Variants in CNOT4 observed in about 807,000 individuals in gnomAD.
The protein encoded by CNOT4 is CCR4-NOT transcription complex subunit 4.
CNOT4 carries 8 observed loss-of-function variants against 73.8 expected under a neutral mutation model. The observed-to-expected ratio is 0.11, with a 90% confidence interval of 0.06 to 0.20. The LOEUF (loss-of-function observed/expected upper bound fraction) is 0.20. CNOT4 is among the 10% of genes least tolerant of loss of function. The probability of loss-of-function intolerance (pLI) is 1.00; values close to 1 mark genes in which losing one functional copy is unlikely to be tolerated. For missense variants in CNOT4, 564 were observed against 883.4 expected, an observed-to-expected ratio of 0.64 and a Z score of 4.58; for synonymous variants, 293 against 321.1, an observed-to-expected ratio of 0.91 and a Z score of 0.94.
At chr7:135,473,981 G>A (rs1801812466) in intron 1 of CNOT4, among the ~76,000 whole-genome samples, 1 of 143,920 alleles carries the variant, frequency 6.9e-6, no homozygotes. Flanking sequence ...GTCTTTTTGT[G>A]GTTTTTTTTT....
chr7:135,459,308 T>C (rs1800732135), intron 1 of CNOT4, among the ~76,000 whole-genome samples: 1 of 152,116 alleles, frequency 6.6e-6, no homozygotes, highest in South Asian at 2.1e-4. Context: ...CATTCTCTCA[T>C]GCCTCACAAA....
intron 7 of CNOT4, among the ~76,000 whole-genome samples, chr7:135,405,313 C>T (rs1797218627): frequency 6.6e-6 from 1 of 152,158 alleles, no homozygotes; most frequent in South Asian, 2.1e-4. Flanking sequence ...TCAATGATGG[C>T]TTGTTTCAGC....
At chr7:135,397,607 C>CA (rs11381422) in intron 8 of CNOT4, among the ~76,000 whole-genome samples, 53,395 of 131,024 alleles carry the variant, frequency 0.41, 9,963 homozygotes, top group South Asian at 0.5. Context: ...AAAAACTAGC[C>CA]AAAAAAAAAA....
chr7:135,367,848 C>T (rs556505581), intron 10 of CNOT4, among the ~76,000 whole-genome samples: 2 of 152,144 alleles, frequency 1.3e-5, no homozygotes, highest in Admixed American at 6.5e-5. Flanking sequence ...AGTTACCAAA[C>T]ATTTTATATT....
chr7:135,502,176 C>T (rs917814865), intron 1 of CNOT4, among the ~76,000 whole-genome samples: 4 of 152,218 alleles, frequency 2.6e-5, no homozygotes, highest in Non-Finnish European at 5.9e-5. Flanking sequence ...ATTATCCAGT[C>T]TGTGGTATTC....
At chr7:135,452,010 G>T (rs1287894507) in intron 1 of CNOT4, among the ~76,000 whole-genome samples, 1 of 152,152 alleles carries the variant, frequency 6.6e-6, no homozygotes, top group Admixed American at 6.5e-5. Context: ...CACTTTGTGA[G>T]GCTGAGGAGG....
At chr7:135,441,026 A>AT (rs1280698769) in intron 1 of CNOT4, among the ~76,000 whole-genome samples, 1 of 152,232 alleles carries the variant, frequency 6.6e-6, no homozygotes, top group Non-Finnish European at 1.5e-5. Flanking sequence ...CAGAATGTCT[A>AT]TTCTAGTTAT....
Position 135,444,888 on chromosome 7 carries a change from G to A in CNOT4, c.-92-6465C>T, listed in dbSNP as rs1799724172. On this transcript the variant is annotated intron_variant, in intron 1 of 11. Transcript: ENST00000541284. ...TGGGCTTTGCTATTTCAACTATCACGATGTGGGCATCTGCAAAGCTGTTGC... is the reference window on the plus strand; with the variant it reads ...TGGGCTTTGCTATTTCAACTATCACAATGTGGGCATCTGCAAAGCTGTTGC... The A allele has an allele frequency of 5.0e-6, 8 of 1,597,586 alleles. No homozygotes were observed. The Admixed American group carries it at 1.2e-4, about 23-fold the overall frequency.
intron 3 of CNOT4, among the ~76,000 whole-genome samples, chr7:135,418,026 T>A (rs934552228): frequency 6.6e-6 from 1 of 152,232 alleles, no homozygotes; most frequent in Non-Finnish European, 1.5e-5. Context: ...TGTTTATCAG[T>A]ATATGCTCAG....
intron 7 of CNOT4, among the ~76,000 whole-genome samples, chr7:135,409,105 T>C (rs1228381922): frequency 6.6e-6 from 1 of 152,184 alleles, no homozygotes; most frequent in Non-Finnish European, 1.5e-5. Context: ...GACAACATTT[T>C]TAATGCAAAC....
At chr7:135,375,850 G>A (rs1322752609) in intron 10 of CNOT4, among the ~76,000 whole-genome samples, 1 of 152,112 alleles carries the variant, frequency 6.6e-6, no homozygotes, top group East Asian at 1.9e-4. Context: ...GCTTGAACCT[G>A]GGAGGCAGAG....
intron 1 of CNOT4, among the ~76,000 whole-genome samples, chr7:135,482,551 C>A (rs1219709199): frequency 1.4e-5 from 2 of 148,054 alleles, no homozygotes; most frequent in East Asian, 3.9e-4. Context: ...GACCCTGTAT[C>A]AAAAAAAGAA....
chr7:135,388,286 C>T (rs1385010040), intron 10 of CNOT4: 2 of 985,168 alleles, frequency 2.0e-6, no homozygotes, highest in Non-Finnish European at 2.4e-6. Flanking sequence ...TAAAAACAAT[C>T]GCCAACAATA....
chr7:135,509,396 G>A (rs1280428033), intron 1 of CNOT4, among the ~76,000 whole-genome samples: 3 of 152,000 alleles, frequency 2.0e-5, no homozygotes, highest in Non-Finnish European at 4.4e-5. Flanking sequence ...AAAAAAACAA[G>A]CAGCAGGACG....
At chr7:135,448,905 A>C (rs892828976) in intron 1 of CNOT4, among the ~76,000 whole-genome samples, 1 of 152,170 alleles carries the variant, frequency 6.6e-6, no homozygotes, top group Non-Finnish European at 1.5e-5. Context: ...TGCAATCCAA[A>C]GAATAGAGAG....
At chr7:135,384,317 C>A in intron 10 of CNOT4, 1 of 175,946 alleles carries the variant, frequency 5.7e-6, no homozygotes, top group Non-Finnish European at 1.2e-5. Context: ...CGGAGTCTCG[C>A]TCTGTTGCCC....
chr7:135,422,111 G>A (rs750055678), intron 3 of CNOT4, 45 bp downstream of exon 3: 1 of 1,190,498 alleles, frequency 8.4e-7, no homozygotes, highest in Non-Finnish European at 1.2e-6. Context: ...AGTAAGACAA[G>A]GAAACAAAAA....
chr7:135,500,509 A>T (rs1400979423), intron 1 of CNOT4, among the ~76,000 whole-genome samples: 2 of 152,202 alleles, frequency 1.3e-5, no homozygotes, highest in Non-Finnish European at 2.9e-5. Context: ...TAAAAAAAAA[A>T]TTCCAACCAA....
At position 135,423,000 on chromosome 7, in the gene CNOT4, C is replaced by T. The variant is rs74947760; in HGVS notation, c.175-647G>A. Among the ~76,000 whole-genome samples the T allele has an allele frequency of 2.2e-3, 341 of 152,242 alleles. 13 individuals carry two copies. The East Asian group carries it at 0.054, about 24-fold the overall frequency. On this transcript the variant is annotated intron_variant, in intron 2 of 11. Transcript: ENST00000541284. ...AGCTCAGCCATTACTATCTAAGTGA[C>T]TTTGGTAAAGTCATATGACCTTTCT...
Sources: allele counts gnomAD v4.1 joint callset (sites outside exome capture counted in the v4.1 genomes callset), GRCh38; gene constraint gnomAD v4.1.1; transcripts MANE v1.5; gene names NCBI Gene and HGNC (gene_info 2026-07-23, HGNC 2026-07-21).